Variants in RIMS2 observed in about 807,000 individuals in gnomAD.
The protein encoded by RIMS2 is regulating synaptic membrane exocytosis protein 2.
In RIMS2, 59 loss-of-function variants were observed where a neutral mutation model predicts 174.4. The ratio of observed to expected loss-of-function variants is 0.34; its 90% CI spans 0.27 to 0.42. The LOEUF is 0.42. Among genes scored for constraint, RIMS2 ranks in the 10% least tolerant of loss-of-function variants. RIMS2 has a pLI of 1.00. For synonymous variants in RIMS2, 606 were observed against 572.5 expected, an observed-to-expected ratio of 1.06 and a Z score of -0.84; for missense variants, 1,620 against 1,666.3, an observed-to-expected ratio of 0.97 and a Z score of 0.48.
intron 1 of RIMS2, among the ~76,000 whole-genome samples, chr8:103,588,803 C>T (rs980770594): frequency 1.3e-5 from 2 of 151,784 alleles, no homozygotes; most frequent in African/African-American, 4.8e-5. Flanking sequence ...AACTATGAAA[C>T]TACCACAAGA....
intron 19 of RIMS2, among the ~76,000 whole-genome samples, chr8:104,138,721 T>C (rs2098542215): frequency 6.6e-6 from 1 of 151,700 alleles, no homozygotes. Context: ...CTGTGGATTG[T>C]CTCTTCACTT....
intron 3 of RIMS2, among the ~76,000 whole-genome samples, chr8:103,843,233 C>T (rs891966095): frequency 6.6e-6 from 1 of 152,120 alleles, no homozygotes; most frequent in Non-Finnish European, 1.5e-5. Context: ...GTTTCTTGGC[C>T]TGCTTTCTCT....
rs774376233 is a variant in RIMS2 at position 104,245,039 on chromosome 8, GCTACAGCTCAGAAGGAAAGTGA to G, written c.3459_3476+4del. ...GAGTCTACAGATGGTAGCATGAACAGCTACAGCTCAGAAGGAAAGTGAGTGAGGCTGCATGTGATGTGTGTCT... is the reference window on the plus strand; with the variant it reads ...GAGTCTACAGATGGTAGCATGAACAGGTGAGGCTGCATGTGATGTGTGTCT... On this transcript the variant is annotated splice_donor_variant and splice_donor_region_variant and coding_sequence_variant and intron_variant, in exon 20 of 24. Transcript: ENST00000504942. LOFTEE classifies it high-confidence loss of function. 6.2e-7 allele frequency: 1 copy of G among 1,613,846 alleles called. No homozygotes were observed. The highest frequency in any genetic ancestry group is 8.5e-7 in the Non-Finnish European group (1 of 1,179,780).
chr8:103,596,097 C>T (rs1261911860), intron 1 of RIMS2, among the ~76,000 whole-genome samples: 1 of 151,840 alleles, frequency 6.6e-6, no homozygotes, highest in Admixed American at 6.6e-5. Context: ...ATATCTTTTT[C>T]TTTTACAAAC....
At chr8:103,808,571 A>T (rs965632246) in intron 3 of RIMS2, among the ~76,000 whole-genome samples, 7 of 152,008 alleles carry the variant, frequency 4.6e-5, no homozygotes, top group African/African-American at 1.7e-4. Flanking sequence ...ATGCACCTCA[A>T]ATTCAGCAAT....
rs559736890 is a variant in RIMS2, at chr8:104,012,516, G to A, written c.3045-926G>A. Among the ~76,000 whole-genome samples the A allele has an allele frequency of 4.6e-5, 7 of 152,030 alleles. No individual in the cohort carries two copies. The South Asian group carries it at 1.5e-3, about 32-fold the overall frequency. On this transcript the variant is annotated intron_variant, in intron 17 of 23. Transcript: ENST00000504942. ...CATTTCCATTTTTGTGCTTACAACT[G>A]GATGGGGAGGTGATAATTTTATTTG...
rs576054560 is a variant in RIMS2 at position 104,223,040 on chromosome 8, TA to T, written c.3335-21868del. ...TTTTTTGCCTGTGTTTGAGGAGCGT[TA>T]AAAAAAACTGTGAACCTGAGGAAAG... On this transcript the variant is annotated intron_variant, in intron 19 of 23. Coordinates refer to ENST00000504942, the Ensembl canonical transcript of RIMS2. Among the ~76,000 whole-genome samples the T allele has an allele frequency of 2.0e-5, 3 of 152,076 alleles. No homozygotes were observed. In the South Asian group the frequency reaches 6.2e-4, roughly 32 times the overall value.
At chr8:103,870,382 G>GCAC (rs768663271) in intron 3 of RIMS2, among the ~76,000 whole-genome samples, 4 of 150,162 alleles carry the variant, frequency 2.7e-5, no homozygotes, top group Non-Finnish European at 5.9e-5. Context: ...ACCACCACCA[G>GCAC]CACCACCACC....
chr8:104,222,689 A>G (rs2099161024), intron 19 of RIMS2, among the ~76,000 whole-genome samples: 1 of 152,176 alleles, frequency 6.6e-6, no homozygotes. Context: ...TTGCCCTAGT[A>G]TGTTTGTGTT....
chr8:103,602,799 TATTA>T (rs1413446697), intron 1 of RIMS2, among the ~76,000 whole-genome samples: 3 of 152,210 alleles, frequency 2.0e-5, no homozygotes, highest in Non-Finnish European at 2.9e-5. Context: ...GAGGAATTTA[TATTA>T]ATTCTTTTGG....
chr8:104,145,867 A>T (rs2098634254), intron 19 of RIMS2, among the ~76,000 whole-genome samples: 1 of 151,770 alleles, frequency 6.6e-6, no homozygotes, highest in South Asian at 2.1e-4. Flanking sequence ...ATCTCAAAAA[A>T]AAAGAAAAAT....
intron 2 of RIMS2, among the ~76,000 whole-genome samples, chr8:103,713,055 G>C (rs1311506121): frequency 6.7e-6 from 1 of 150,028 alleles, no homozygotes; most frequent in Non-Finnish European, 1.5e-5. Flanking sequence ...TTATCACTCT[G>C]TTGCCCAGGC....
chr8:103,757,870 C>G (rs1044239981), intron 2 of RIMS2, among the ~76,000 whole-genome samples: 1 of 152,180 alleles, frequency 6.6e-6, no homozygotes, highest in Non-Finnish European at 1.5e-5. Context: ...AATGATGATA[C>G]TCACCAGAAG....
intron 2 of RIMS2, among the ~76,000 whole-genome samples, chr8:103,765,504 G>A (rs2098161067): frequency 6.6e-6 from 1 of 151,790 alleles, no homozygotes; most frequent in Admixed American, 6.6e-5. Flanking sequence ...GGTTAAAATG[G>A]CAAATTTTAT....
chr8:103,810,891 A>G (rs2098682714), intron 3 of RIMS2, among the ~76,000 whole-genome samples: 1 of 152,212 alleles, frequency 6.6e-6, no homozygotes, highest in Non-Finnish European at 1.5e-5. Flanking sequence ...ATTCCATAAT[A>G]TTTCATTTGT....
chr8:103,903,220 C>T (rs893905086), intron 4 of RIMS2, among the ~76,000 whole-genome samples: 10 of 151,800 alleles, frequency 6.6e-5, no homozygotes, highest in African/African-American at 2.4e-4. Context: ...AAAATGAGGC[C>T]CATGACTTGT....
chr8:104,029,000 A>T (rs957567469), intron 19 of RIMS2, among the ~76,000 whole-genome samples: 6 of 152,210 alleles, frequency 3.9e-5, no homozygotes, highest in African/African-American at 1.4e-4. Flanking sequence ...GAGGTGGATT[A>T]TTCATGAATT....
intron 1 of RIMS2, among the ~76,000 whole-genome samples, chr8:103,507,687 T>C (rs1824336269): frequency 6.6e-6 from 1 of 152,140 alleles, no homozygotes; most frequent in Non-Finnish European, 1.5e-5. Context: ...TCTTTTGGAC[T>C]AAGAGCATAT....
At chr8:104,083,455 C>T (rs1414950373) in intron 19 of RIMS2, among the ~76,000 whole-genome samples, 1 of 152,062 alleles carries the variant, frequency 6.6e-6, no homozygotes, top group Admixed American at 6.6e-5. Flanking sequence ...AATTTCTATA[C>T]CCTATATCCC....
Sources: gnomAD v4.1 joint callset for allele counts (sites outside exome capture counted in the v4.1 genomes callset) on GRCh38, gnomAD v4.1.1 for gene constraint, MANE v1.5 for transcripts, NCBI Gene and HGNC (gene_info 2026-07-23, HGNC 2026-07-21) for gene names.